Variants in TTC7B observed in about 807,000 individuals in gnomAD.
TTC7B encodes the protein tetratricopeptide repeat protein 7B.
TTC7B carries 28 observed loss-of-function variants against 106.8 expected under a neutral mutation model. The observed-to-expected ratio is 0.26, with a 90% confidence interval of 0.19 to 0.36. TTC7B has a LOEUF of 0.36. Ranked by LOEUF, TTC7B falls within the 10% of genes least tolerant of loss-of-function variation. TTC7B has a pLI of 1.00. For synonymous variants in TTC7B, 405 were observed against 430.6 expected (o/e 0.94, Z 0.74); for missense variants, 862 against 1,076.4 (o/e 0.80, Z 2.79).
chr14:90,649,327 AG>A (rs1349266954), intron 13 of TTC7B, among the ~76,000 whole-genome samples: 3 of 152,188 alleles, frequency 2.0e-5, no homozygotes, highest in Non-Finnish European at 4.4e-5. Context: ...AACAAGAAAA[AG>A]CTCCCTGTGT....
At chr14:90,545,503 G>A (rs1889790966) in intron 19 of TTC7B, among the ~76,000 whole-genome samples, 1 of 152,242 alleles carries the variant, frequency 6.6e-6, no homozygotes, top group Non-Finnish European at 1.5e-5. Flanking sequence ...CCTCAGGACA[G>A]CTGTGATCTT....
intron 15 of TTC7B, among the ~76,000 whole-genome samples, chr14:90,619,971 G>A (rs1271732909): frequency 1.6e-4 from 25 of 152,196 alleles, no homozygotes; most frequent in Admixed American, 1.6e-3. Context: ...AGGTACCTTA[G>A]AGGAGGAAAG....
rs748172016 is a variant in TTC7B, at chr14:90,663,878, G to A, written c.1153-5491C>T. On this transcript the variant is annotated intron_variant, in intron 9 of 19. Coordinates refer to ENST00000328459, the MANE Select transcript of TTC7B (RefSeq NM_001010854.2). This position sits in a 1 kb window ranked among gnomAD's most constrained non-coding sequence, Gnocchi z 4.5. ...TTATGAGATACAGTGACGGCACGCCGGCTTTGGAAAAGCACCCAGACAGCT... is the reference window on the plus strand; with the variant it reads ...TTATGAGATACAGTGACGGCACGCCAGCTTTGGAAAAGCACCCAGACAGCT... Among the ~76,000 whole-genome samples, 7 of 152,142 alleles carry A rather than the reference G, an allele frequency of 4.6e-5. No individual in the cohort carries two copies. Among genetic ancestry groups the A allele is most frequent in the East Asian group, 1.9e-4 (1 of 5,196 alleles).
intron 17 of TTC7B, among the ~76,000 whole-genome samples, chr14:90,607,955 G>A (rs1272097836): frequency 6.6e-6 from 1 of 152,220 alleles, no homozygotes; most frequent in Non-Finnish European, 1.5e-5. Context: ...AAGATGGATG[G>A]GCAGGGGTGG....
intron 3 of TTC7B, among the ~76,000 whole-genome samples, chr14:90,745,970 C>A (rs1282862479): frequency 1.4e-5 from 2 of 144,390 alleles, no homozygotes; most frequent in Admixed American, 7.2e-5. Context: ...CCCAAAGTGC[C>A]GGGATTACAG....
chr14:90,582,957 G>A (rs1891562042), intron 18 of TTC7B, among the ~76,000 whole-genome samples: 1 of 152,232 alleles, frequency 6.6e-6, no homozygotes, highest in Non-Finnish European at 1.5e-5. Context: ...GATCACCCCA[G>A]GATGTAGCCT....
At chr14:90,662,572 G>A (rs1886253202) in intron 9 of TTC7B, among the ~76,000 whole-genome samples, 1 of 152,186 alleles carries the variant, frequency 6.6e-6, no homozygotes, top group Admixed American at 6.5e-5. Context: ...CAACCTGAAT[G>A]GCAGCTAGAA....
chr14:90,610,655 C>A, intron 17 of TTC7B, 87 bp downstream of exon 17: 1 of 965,322 alleles, frequency 1.0e-6, no homozygotes, highest in Non-Finnish European at 1.7e-6. Context: ...CAACCCCAAC[C>A]CGATCAGTCT....
At chr14:90,641,944 T>C (rs930685613) in intron 15 of TTC7B, among the ~76,000 whole-genome samples, 1 of 151,840 alleles carries the variant, frequency 6.6e-6, no homozygotes, top group Non-Finnish European at 1.5e-5. Context: ...CGTGTGTGTG[T>C]GTGTGTGTGT....
Position 90,600,549 on chromosome 14 carries a change from T to C in TTC7B, c.1967-6923A>G, listed in dbSNP as rs963497804. Among the ~76,000 whole-genome samples the C allele has an allele frequency of 9.2e-5, 14 of 152,198 alleles. No individual in the cohort carries two copies. The highest frequency in any genetic ancestry group is 3.4e-4 in the African/African-American group (14 of 41,436). On this transcript the variant is annotated intron_variant, in intron 17 of 19. Transcript: ENST00000328459. The surrounding 1 kb of genome is among the most constrained non-coding windows in gnomAD (Gnocchi z 4.3). The stretch of plus-strand genomic sequence containing the variant: ...CTCATAGCCCCAAGACGGGATCAGT[T>C]TCCCACTGACTTTAACATAATATCA...
chr14:90,556,186 G>T (rs569803829), intron 19 of TTC7B, among the ~76,000 whole-genome samples: 1 of 152,328 alleles, frequency 6.6e-6, no homozygotes, highest in Admixed American at 6.5e-5. Context: ...GGGGCCCCGT[G>T]GGGGCGGAGA....
In TTC7B at chr14:90,657,320, G is replaced by A. The variant is rs769953091; in HGVS notation, c.1237-42C>T. 1.0e-5 allele frequency: 16 copies of A among 1,592,206 alleles called. No homozygotes were observed. The highest frequency in any genetic ancestry group is 2.7e-5 in the African/African-American group (2 of 74,644). On this transcript the variant is annotated intron_variant, in intron 10 of 19. Coordinates refer to ENST00000328459, the MANE Select transcript of TTC7B (RefSeq NM_001010854.2). The surrounding 1 kb of genome is among the most constrained non-coding windows in gnomAD (Gnocchi z 4.2). ...TATTTCCGTGAAACTCAAAGTGTTT[G>A]ACAGAACCGAATACTACAGCCTTCT...
At chr14:90,586,067 G>A (rs1413732761) in intron 18 of TTC7B, among the ~76,000 whole-genome samples, 1 of 152,226 alleles carries the variant, frequency 6.6e-6, no homozygotes, top group Non-Finnish European at 1.5e-5. Context: ...GAGGCTCAGT[G>A]GGAGTGGGAA....
chr14:90,691,595 A>G (rs1887478406), intron 6 of TTC7B, among the ~76,000 whole-genome samples: 1 of 152,244 alleles, frequency 6.6e-6, no homozygotes, highest in Non-Finnish European at 1.5e-5. Context: ...ATTCAGGATC[A>G]AAGGAGAGAA....
chr14:90,689,839 A>T (rs1662166035), intron 6 of TTC7B, 127 bp from the exon 7 acceptor site: 4 of 1,126,130 alleles, frequency 3.6e-6, no homozygotes, highest in Admixed American at 6.5e-5. Flanking sequence ...ATAATTAAAA[A>T]TTTTTCCTTT....
At chr14:90,736,150 C>CTATATATATATATATATATATATATA (rs36062485) in intron 4 of TTC7B, among the ~76,000 whole-genome samples, 53 of 146,648 alleles carry the variant, frequency 3.6e-4, no homozygotes, top group African/African-American at 1.3e-3. Context: ...TAATTTAGAG[C>CTATATATATATATATATATATATATA]TATATATATA....
chr14:90,569,462 T>C (rs1271986456), intron 19 of TTC7B, among the ~76,000 whole-genome samples: 2 of 152,196 alleles, frequency 1.3e-5, no homozygotes, highest in African/African-American at 4.8e-5. Context: ...AGAATTCATC[T>C]GACCTGAGGG....
chr14:90,788,334 C>T (rs1235499573), intron 1 of TTC7B, among the ~76,000 whole-genome samples: 2 of 152,142 alleles, frequency 1.3e-5, no homozygotes, highest in Non-Finnish European at 2.9e-5. Context: ...ACACACAAGC[C>T]CTTCTCAAGA....
chr14:90,726,153 T>C (rs1889093244), intron 5 of TTC7B, among the ~76,000 whole-genome samples: 1 of 152,222 alleles, frequency 6.6e-6, no homozygotes, highest in Non-Finnish European at 1.5e-5. Context: ...CAAATCAAGC[T>C]TCTCTGGCAA....
Sources: allele counts gnomAD v4.1 joint callset (sites outside exome capture counted in the v4.1 genomes callset), GRCh38; gene constraint gnomAD v4.1.1; non-coding constraint Gnocchi (gnomAD v3.1); transcripts MANE v1.5; gene names NCBI Gene and HGNC (gene_info 2026-07-23, HGNC 2026-07-21).